TEPSIN: variants seen among roughly 807,000 people sequenced by gnomAD.
TEPSIN encodes TEPSIN adaptor related protein complex 4 accessory protein, also known as AP-4 complex accessory subunit tepsin.
TEPSIN carries 50 observed loss-of-function variants against 48.5 expected under a neutral mutation model. That is an observed-to-expected ratio of 1.03 (90% CI 0.82 to 1.31). TEPSIN has a LOEUF of 1.31. Ranked by LOEUF, TEPSIN falls within the 50% of genes most tolerant of loss-of-function variation. TEPSIN has a pLI of 0.00. For synonymous variants in TEPSIN, 392 were observed against 358.8 expected (o/e 1.09, Z -1.05); for missense variants, 838 against 815.9 (o/e 1.03, Z -0.33).
In TEPSIN at chr17:81,230,375, G is replaced by A; in HGVS notation, c.1233+169C>T. ...GAAGGCGGGAAGGCAATGGGGAGGT[G>A]AGGACCCTGACTTGCTGCTGCTCCC... On this transcript the variant is annotated intron_variant, in intron 12 of 12. Transcript: ENST00000637944. This position sits in a 1 kb window ranked among gnomAD's most constrained non-coding sequence, Gnocchi z 4.2. 1 of 881,102 alleles carries A rather than the reference G, an allele frequency of 1.1e-6. No homozygotes were observed. The highest frequency in any genetic ancestry group is 1.7e-6 in the Non-Finnish European group (1 of 590,290). The allele number at this position is 881,102 out of a possible 1,614,324, so 54.6% of individuals were successfully genotyped here. A position where few individuals can be genotyped will look rare whatever the true frequency, so the allele number is the denominator to read the frequency against.
In TEPSIN at chr17:81,229,221, C is replaced by T. The variant is rs778449116; in HGVS notation, c.1489G>A (p.Gly497Arg). 50 of 775,778 alleles carry T rather than the reference C, an allele frequency of 6.4e-5. No homozygotes were observed. Among genetic ancestry groups the T allele is most frequent in the Middle Eastern group, 3.2e-4 (1 of 3,158 alleles). The allele number at this position is 775,778 out of a possible 1,614,324, so 48.1% of individuals were successfully genotyped here. Residue 497 changes from glycine (G) to arginine (R), a missense_variant, in exon 13 of 13, where the codon GGA becomes AGA. By Grantham distance (125) the Gly-to-Arg change is moderately radical. Coordinates refer to ENST00000637944, the MANE Select transcript of TEPSIN (RefSeq NM_001363764.2). ...CTGGCCTCGGCCTCGCTGGGGTCTC[C>T]GGGGGCTGGAATGGGGGAGGCATCT... The part of the protein sequence containing the change: ...PPDASPIPAP[G>R]DPSEAEARLA...
In TEPSIN at chr17:81,233,922, A is replaced by G. The variant is rs1233095898; in HGVS notation, c.375+59T>C. 5.3e-5 allele frequency: 82 copies of G among 1,541,270 alleles called. No individual in the cohort carries two copies. Among genetic ancestry groups the G allele is most frequent in the Non-Finnish European group, 6.3e-5 (72 of 1,146,414 alleles). On this transcript the variant is annotated intron_variant, in intron 5 of 12. Coordinates refer to ENST00000637944, the MANE Select transcript of TEPSIN (RefSeq NM_001363764.2). The surrounding 1 kb of genome is among the most constrained non-coding windows in gnomAD (Gnocchi z 5.8). ...CCCCCCAGCTGACATCCTGGCCCCA[A>G]TCCCACCCCTCTACAGGAGGAGGGG...
At chr17:81,231,190 T>C (rs953813282) in intron 11 of TEPSIN, 47 of 600,692 alleles carry the variant, frequency 7.8e-5, no homozygotes, top group Non-Finnish European at 1.1e-4. Context: ...ACCGCACACA[T>C]GCACGAGTGT....
chr17:81,231,477 C>T lies in TEPSIN; in HGVS notation c.1020-1G>A. 6.4e-7 allele frequency: 1 copy of T among 1,569,244 alleles called. No individual in the cohort carries two copies. The highest frequency in any genetic ancestry group is 2.4e-5 in the East Asian group (1 of 42,184). On this transcript the variant is annotated splice_acceptor_variant, in intron 10 of 12. Transcript: ENST00000637944. LOFTEE classifies it high-confidence loss of function. ...GGCCTCACAGTTGAGCAGTCCACAC[C>T]TGCACAGAGGGGACACCTGGGTGGC...
chr17:81,229,610 C>G, intron 12 of TEPSIN, 134 bp from the exon 13 acceptor site: 2 of 953,672 alleles, frequency 2.1e-6, no homozygotes, highest in South Asian at 3.0e-5. Flanking sequence ...AGGACACCGG[C>G]TGCTGGGAGG....
Position 81,228,878 on chromosome 17 carries a change from C to A in TEPSIN, c.*50G>T. The A allele has an allele frequency of 6.2e-7, 1 of 1,603,360 alleles. No homozygotes were observed. Among genetic ancestry groups the A allele is most frequent in the Non-Finnish European group, 8.5e-7 (1 of 1,175,898 alleles). ...GTTGAGGCTGCTCAGGAAGCACAGA[C>A]CGCCCCAGACAGCAGCTGAAGCTGA... On this transcript the variant is annotated 3_prime_UTR_variant, in exon 13 of 13. Transcript: ENST00000637944.
intron 7 of TEPSIN, chr17:81,232,849 G>A (rs897404616): frequency 9.7e-6 from 3 of 309,816 alleles, no homozygotes; most frequent in East Asian, 1.2e-4. Context: ...GGGAGGGGCC[G>A]GCCTTTCCTG....
chr17:81,229,727 C>T (rs1479530215), intron 12 of TEPSIN: 5 of 553,036 alleles, frequency 9.0e-6, no homozygotes, highest in Non-Finnish European at 1.6e-5. Context: ...TGCTCCTTTA[C>T]TCACTACTAG....
At chr17:81,231,545 G>T in intron 10 of TEPSIN, 33 bp downstream of exon 10, 1 of 1,601,176 alleles carries the variant, frequency 6.2e-7, no homozygotes, top group East Asian at 2.3e-5. Flanking sequence ...GGTTGGGGCT[G>T]AGGCAGAGCA....
intron 12 of TEPSIN, 103 bp from the exon 13 acceptor site, chr17:81,229,579 AG>A (rs35440846): frequency 7.8e-7 from 1 of 1,276,502 alleles, no homozygotes; most frequent in Non-Finnish European, 1.1e-6. Flanking sequence ...CTCCACCCAG[AG>A]GGCAGGGCCA....
rs1419762817 is a variant in TEPSIN at position 81,229,342 on chromosome 17, C to T, written c.1368G>A (p.Gln456=). 1.3e-6 allele frequency: 2 copies of T among 1,564,928 alleles called. No individual in the cohort carries two copies. Among genetic ancestry groups the T allele is most frequent in the African/African-American group, 2.7e-5 (2 of 73,664 alleles). ...LTDAVPLPGS[Q]VFLQPLSSTP... ...TTGAACTCAGAGGCTGCAGGAAGAC[C>T]TGGCTCCCAGGGAGAGGCACAGCGT... Residue 456 remains glutamine (Q), a synonymous_variant, in exon 13 of 13, where the codon CAG becomes CAA. Transcript: ENST00000637944.
chr17:81,236,059 T>C (rs762968890), intron 4 of TEPSIN, among the ~76,000 whole-genome samples: 22 of 152,136 alleles, frequency 1.4e-4, no homozygotes, highest in Non-Finnish European at 2.8e-4. Context: ...GTGCGCCCAG[T>C]GACCACCTGG....
rs775770378 is a variant in TEPSIN, at chr17:81,231,422, A to C, written c.1074T>G (p.Arg358=). 33 of 1,559,240 alleles carry C rather than the reference A, an allele frequency of 2.1e-5. No individual in the cohort carries two copies. The highest frequency in any genetic ancestry group is 2.8e-5 in the Non-Finnish European group (32 of 1,151,824). The change falls in exon 11 of 13, where the codon CGT becomes CGG. Residue 358 remains arginine, a synonymous_variant. Coordinates refer to ENST00000637944, the MANE Select transcript of TEPSIN (RefSeq NM_001363764.2). ...CCAGCTGCGTGCATTCACTGGTCCC[A>C]CGCAGGTGGCAGGTCAGCAGCTGCA... is the stretch of plus-strand genomic sequence containing the variant. The part of the protein sequence containing the change: ...AVLQLLTCHL[R]GTSECTQLRA...
In TEPSIN at chr17:81,232,343, T is replaced by C. The variant is rs1388275345; in HGVS notation, c.702A>G (p.Leu234=). 6.5e-7 allele frequency: 1 copy of C among 1,533,138 alleles called. No homozygotes were observed. Among genetic ancestry groups the C allele is most frequent in the Non-Finnish European group, 8.7e-7 (1 of 1,145,024 alleles). 95.0% of individuals were successfully genotyped at this position (1,533,138 alleles called of 1,614,324 possible). A position where few individuals can be genotyped will look rare whatever the true frequency, so the allele number is the denominator to read the frequency against. ...GGGGACCTGGAATGGCCCCGGGGAG[T>C]AGGTTCCCCAGGGTTGGGGGACCGT... is the stretch of plus-strand genomic sequence containing the variant. ...ASHGPPTLGN[L]LPGAIPGPRA... is the part of the protein sequence containing the mutation. The change falls in exon 8 of 13, where the codon CTA becomes CTG. Residue 234 remains leucine, a synonymous_variant. Transcript: ENST00000637944.
rs2062518696 is a variant in TEPSIN, at chr17:81,228,808, G to C, written c.*120C>G. On this transcript the variant is annotated 3_prime_UTR_variant, in exon 13 of 13. Coordinates refer to ENST00000637944, the MANE Select transcript of TEPSIN (RefSeq NM_001363764.2). ...ATGGGGGAAACTGAGGTAGCCCTAG[G>C]GTCGTCCTCTCAAGTCAAGCTGCCT... 12 of 1,237,444 alleles carry C rather than the reference G, an allele frequency of 9.7e-6. No homozygotes were observed. The highest frequency in any genetic ancestry group is 1.4e-5 in the Non-Finnish European group (12 of 881,158). 76.7% of individuals were successfully genotyped at this position (1,237,444 alleles called of 1,614,324 possible).
Position 81,236,615 on chromosome 17 carries a change from C to A in TEPSIN, c.307+93G>T, listed in dbSNP as rs573913637. 1.2e-5 allele frequency: 16 copies of A among 1,318,608 alleles called. No individual in the cohort carries two copies. In the East Asian group the frequency reaches 4.0e-4, roughly 33 times the overall value. The allele number at this position is 1,318,608 out of a possible 1,614,324, so 81.7% of individuals were successfully genotyped here. A position where few individuals can be genotyped will look rare whatever the true frequency, so the allele number is the denominator to read the frequency against. On this transcript the variant is annotated intron_variant, in intron 4 of 12. Transcript: ENST00000637944. ...GACCCGGCCCAGGTGAGGGCTCTGGCTGAAGTCTTCCTTCTCAAACCTGGA... is the reference window on the plus strand; with the variant it reads ...GACCCGGCCCAGGTGAGGGCTCTGGATGAAGTCTTCCTTCTCAAACCTGGA...
rs774772678 is a variant in TEPSIN at position 81,234,937 on chromosome 17, G to T, written c.308-889C>A. On this transcript the variant is annotated intron_variant, in intron 4 of 12. Transcript: ENST00000637944. This position sits in a 1 kb window ranked among gnomAD's most constrained non-coding sequence, Gnocchi z 5.4. ...AAATCCATAGGGCATCAGCCTAATG[G>T]CTAAGGTCAGCACGACCATGAACCA... Among the ~76,000 whole-genome samples, 6 of 152,078 alleles carry T rather than the reference G, an allele frequency of 3.9e-5. No homozygotes were observed. Among genetic ancestry groups the T allele is most frequent in the Non-Finnish European group, 8.8e-5 (6 of 68,016 alleles).
intron 4 of TEPSIN, among the ~76,000 whole-genome samples, chr17:81,235,761 G>T (rs76589466): frequency 0.017 from 2,522 of 152,312 alleles, 77 homozygotes; most frequent in African/African-American, 0.058. Flanking sequence ...GGAGCTCTGT[G>T]AGGATGGCGA....
chr17:81,228,596 C>T lies in TEPSIN; in HGVS notation c.*332G>A. 1 of 374,170 alleles carries T rather than the reference C, an allele frequency of 2.7e-6. No individual in the cohort carries two copies. The allele number at this position is 374,170 out of a possible 1,614,324, so 23.2% of individuals were successfully genotyped here. On this transcript the variant is annotated 3_prime_UTR_variant, in exon 13 of 13. Transcript: ENST00000637944. ...CATGACCTCCTGGGGAAGGAGGGAG[C>T]TGAGATCAAAATGAAATAAGGAACC...
Sources: allele counts gnomAD v4.1 joint callset (sites outside exome capture counted in the v4.1 genomes callset), GRCh38; gene constraint gnomAD v4.1.1; non-coding constraint Gnocchi (gnomAD v3.1); transcripts MANE v1.5; gene names NCBI Gene and HGNC (gene_info 2026-07-23, HGNC 2026-07-21).